CLIC5: variants seen among roughly 807,000 people sequenced by gnomAD.
CLIC5 encodes the protein CLIC family member 5, also known as chloride intracellular channel protein 5.
In CLIC5, 20 loss-of-function variants were observed where a neutral mutation model predicts 24.7. That is an observed-to-expected ratio of 0.81 (90% confidence interval 0.57 to 1.18). CLIC5 has a LOEUF of 1.18. Among genes scored for constraint, CLIC5 ranks in the 50% most tolerant of loss-of-function variants. The pLI is 0.00. For missense variants in CLIC5, 341 were observed against 326.1 expected (o/e 1.05, Z -0.35); for synonymous variants, 159 against 135.6 (o/e 1.17, Z -1.20).
intron 4 of CLIC5, among the ~76,000 whole-genome samples, chr6:45,940,509 A>C (rs1030034804): frequency 1.3e-5 from 2 of 152,242 alleles, no homozygotes; most frequent in African/African-American, 4.8e-5. Context: ...GCATAGCTGC[A>C]TATGCTGGTC....
At chr6:46,100,040 A>G in the CLIC5 span, among the ~76,000 whole-genome samples, 2 of 152,072 alleles carry the variant, frequency 1.3e-5, no homozygotes, top group African/African-American at 4.8e-5. Flanking sequence ...CAAATTGCCA[A>G]CCAGTTTTCT....
chr6:46,055,230 G>C (rs1315645861), intron 1 of CLIC5, among the ~76,000 whole-genome samples: 1 of 152,172 alleles, frequency 6.6e-6, no homozygotes, highest in African/African-American at 2.4e-5. Flanking sequence ...AGCCTCCTGA[G>C]TAGCTGGAAT....
At chr6:45,919,437 C>G (rs952519610) in intron 4 of CLIC5, among the ~76,000 whole-genome samples, 1 of 152,094 alleles carries the variant, frequency 6.6e-6, no homozygotes, top group African/African-American at 2.4e-5. Context: ...GGAAGGATAC[C>G]CAAGCAAAGC....
chr6:46,102,738 G>T, the CLIC5 span: 2 of 152,226 alleles, frequency 1.3e-5, no homozygotes, highest in African/African-American at 2.4e-5. Context: ...TTTCTGGATT[G>T]TTTTTTTAAA....
chr6:45,914,919 A>G (rs1762967529), intron 4 of CLIC5, among the ~76,000 whole-genome samples: 2 of 151,290 alleles, frequency 1.3e-5, no homozygotes, highest in African/African-American at 4.9e-5. Flanking sequence ...TAGCCAATTT[A>G]TTTATTTATT....
the CLIC5 span, among the ~76,000 whole-genome samples, chr6:46,101,736 G>A: frequency 1.3e-5 from 2 of 152,180 alleles, no homozygotes; most frequent in African/African-American, 4.8e-5. Context: ...GGTTTGGTCT[G>A]TTGAACCTAG....
chr6:45,897,771 G>A (rs866941405), downstream of CLIC5, among the ~76,000 whole-genome samples: 20 of 152,168 alleles, frequency 1.3e-4, no homozygotes, highest in Admixed American at 2.6e-4. Flanking sequence ...GCCTAGGAAC[G>A]CAAGCCACTG....
chr6:45,897,407 G>A (rs941818002), downstream of CLIC5, among the ~76,000 whole-genome samples: 2 of 152,136 alleles, frequency 1.3e-5, no homozygotes, highest in Non-Finnish European at 2.9e-5. Flanking sequence ...CCAGTCATCT[G>A]AGGGTGGGAG....
intron 2 of CLIC5, among the ~76,000 whole-genome samples, chr6:45,950,103 C>A (rs1003541182): frequency 2.0e-5 from 3 of 152,158 alleles, no homozygotes; most frequent in Non-Finnish European, 4.4e-5. Flanking sequence ...ACCAGGTAGG[C>A]TATTACCAAG....
At position 46,032,754 on chromosome 6, in the gene CLIC5, C is replaced by T. The variant is rs114993432; in HGVS notation, c.540+46949G>A. On this transcript the variant is annotated intron_variant, in intron 1 of 5. Transcript: ENST00000185206. ...CCCTTATTCTTAAGTCTGCCAAAGC[C>T]GAGAGGAACTTAGTGAGCTACTCGG... Among the ~76,000 whole-genome samples, 447 of 152,206 alleles carry T rather than the reference C, an allele frequency of 2.9e-3. 1 individual carries two copies. The highest frequency in any genetic ancestry group is 9.3e-3 in the African/African-American group (388 of 41,508).
rs576161159 is a variant in CLIC5 at position 45,955,634 on chromosome 6, T to C, written c.64-390A>G. 5.3e-5 allele frequency among the ~76,000 whole-genome samples: 8 copies of C among 152,218 alleles called. No individual in the cohort carries two copies. In the East Asian group the frequency reaches 1.5e-3, roughly 29 times the overall value. On this transcript the variant is annotated intron_variant, in intron 1 of 5. Transcript: ENST00000339561. ...TATCTCCACTGACCAGTCAGTTGTA[T>C]TAATATCTCTCAAAGCAGTTCATTC...
intron 6 of CLIC5, among the ~76,000 whole-genome samples, chr6:45,884,225 C>T (rs1277637090): frequency 5.9e-5 from 9 of 152,164 alleles, no homozygotes; most frequent in Non-Finnish European, 1.2e-4. Flanking sequence ...GGGCATACTT[C>T]TCATGGATGG....
At chr6:46,118,680 A>G in the CLIC5 span, among the ~76,000 whole-genome samples, 1 of 152,204 alleles carries the variant, frequency 6.6e-6, no homozygotes, top group Non-Finnish European at 1.5e-5. Flanking sequence ...CCTCAATCCC[A>G]ATGATCTCTC....
At position 45,903,040 on chromosome 6, in the gene CLIC5, G is replaced by A. The variant is rs765745426; in HGVS notation, c.*48C>T. On this transcript the variant is annotated 3_prime_UTR_variant, in exon 6 of 6. Transcript: ENST00000339561. ...GAGTCTATGAAGCTGGAGTCTTAGGGGAGTGGTTGAGTCCTTCTGCAGCGG... is the reference window on the plus strand; with the variant it reads ...GAGTCTATGAAGCTGGAGTCTTAGGAGAGTGGTTGAGTCCTTCTGCAGCGG... 3.1e-6 allele frequency: 5 copies of A among 1,605,916 alleles called. No homozygotes were observed. The South Asian group carries it at 5.5e-5, about 18-fold the overall frequency.
At chr6:45,885,487 T>C (rs961536372) in intron 6 of CLIC5, among the ~76,000 whole-genome samples, 1 of 152,170 alleles carries the variant, frequency 6.6e-6, no homozygotes, top group African/African-American at 2.4e-5. Context: ...CAGAAGATCG[T>C]TATTAAAAAT....
At chr6:46,009,129 A>G (rs1003576072) in intron 1 of CLIC5, among the ~76,000 whole-genome samples, 1 of 151,688 alleles carries the variant, frequency 6.6e-6, no homozygotes, top group Admixed American at 6.6e-5. Flanking sequence ...CCACCAGCCT[A>G]CCCATGGTTT....
chr6:46,056,540 T>C (rs1370338613), intron 1 of CLIC5, among the ~76,000 whole-genome samples: 1 of 152,190 alleles, frequency 6.6e-6, no homozygotes, highest in Non-Finnish European at 1.5e-5. Context: ...CAGCCAGCTG[T>C]GCCCATCTCT....
chr6:45,983,634 G>A (rs1001805341), intron 1 of CLIC5, among the ~76,000 whole-genome samples: 1 of 151,782 alleles, frequency 6.6e-6, no homozygotes, highest in East Asian at 1.9e-4. Context: ...GGTAGGACAA[G>A]GTAGGTTGGG....
chr6:46,111,253 GCCTT>G, the CLIC5 span, among the ~76,000 whole-genome samples: 4 of 148,824 alleles, frequency 2.7e-5, no homozygotes, highest in Admixed American at 2.7e-4. Context: ...CTTATAAACA[GCCTT>G]CATGCCTGAT....
Sources: allele counts gnomAD v4.1 joint callset (sites outside exome capture counted in the v4.1 genomes callset), GRCh38; gene constraint gnomAD v4.1.1; transcripts MANE v1.5; gene names NCBI Gene and HGNC (gene_info 2026-07-23, HGNC 2026-07-21).